Variants in GOLM2 observed in about 807,000 individuals in gnomAD.
GOLM2 encodes golgi membrane protein 2, also known as protein GOLM2.
In GOLM2, 26 loss-of-function variants were observed where a neutral mutation model predicts 55.9. The observed-to-expected ratio is 0.47, with a 90% CI of 0.34 to 0.65. The LOEUF is 0.65. Ranked by LOEUF, GOLM2 falls within the 30% of genes least tolerant of loss-of-function variation. The probability of loss-of-function intolerance (pLI) is 0.01; values close to 1 mark genes in which losing one functional copy is unlikely to be tolerated. For missense variants in GOLM2, 486 were observed against 531.8 expected (o/e 0.91, Z 0.85); for synonymous variants, 165 against 194.6 (o/e 0.85, Z 1.27).
rs7166510 is a variant in GOLM2 at position 44,322,760 on chromosome 15, A to G, written c.328-205A>G. 1.3e-3 allele frequency among the ~76,000 whole-genome samples: 201 copies of G among 152,320 alleles called. 1 individual carries two copies. Among genetic ancestry groups the G allele is most frequent in the African/African-American group, 4.6e-3 (192 of 41,582 alleles). On this transcript the variant is annotated intron_variant, in intron 1 of 9. Coordinates refer to ENST00000299957, the MANE Select transcript of GOLM2 (RefSeq NM_138423.4). ...TTTAAAGTTGTTACATTGTTTATCA[A>G]TTGAAATGAATTTTCTTGTGCAAAT...
intron 6 of GOLM2, among the ~76,000 whole-genome samples, chr15:44,353,611 A>G (rs2079178698): frequency 6.6e-6 from 1 of 152,142 alleles, no homozygotes; most frequent in Non-Finnish European, 1.5e-5. Context: ...AAAGAATGAG[A>G]TCCTGTCATT....
At chr15:44,395,086 T>C (rs1250012461) in intron 8 of GOLM2, among the ~76,000 whole-genome samples, 1 of 151,846 alleles carries the variant, frequency 6.6e-6, no homozygotes, top group Non-Finnish European at 1.5e-5. Context: ...CTTGGCTCAC[T>C]GCAACCTCCA....
At chr15:44,299,637 A>G (rs180861420) in intron 1 of GOLM2, among the ~76,000 whole-genome samples, 1 of 152,212 alleles carries the variant, frequency 6.6e-6, no homozygotes, top group Non-Finnish European at 1.5e-5. Context: ...TTGGAGTCAA[A>G]CAGACTTGAG....
chr15:44,403,721 A>C (rs1274922560), intron 9 of GOLM2, among the ~76,000 whole-genome samples: 1 of 152,158 alleles, frequency 6.6e-6, no homozygotes, highest in Non-Finnish European at 1.5e-5. Context: ...TCATCTAAAA[A>C]CATTTTGTTA....
At chr15:44,388,418 G>A (rs2079463407) in intron 8 of GOLM2, among the ~76,000 whole-genome samples, 1 of 152,130 alleles carries the variant, frequency 6.6e-6, no homozygotes, top group African/African-American at 2.4e-5. Flanking sequence ...GCCCATGCCT[G>A]TAATCCTAAC....
At chr15:44,353,663 A>C (rs2079179160) in intron 6 of GOLM2, among the ~76,000 whole-genome samples, 2 of 152,182 alleles carry the variant, frequency 1.3e-5, no homozygotes, top group Admixed American at 6.5e-5. Flanking sequence ...TGTTAGGTGA[A>C]ATAAGCCAGA....
chr15:44,315,201 C>T (rs2078901312), intron 1 of GOLM2, among the ~76,000 whole-genome samples: 2 of 152,154 alleles, frequency 1.3e-5, no homozygotes, highest in Non-Finnish European at 2.9e-5. Flanking sequence ...AGAAGATAGA[C>T]TTGTCTCTAG....
intron 6 of GOLM2, among the ~76,000 whole-genome samples, chr15:44,374,255 TAC>T (rs1214340793): frequency 6.6e-6 from 1 of 152,194 alleles, no homozygotes; most frequent in Non-Finnish European, 1.5e-5. Context: ...TTGTGATAAA[TAC>T]ATTTTATTAT....
intron 6 of GOLM2, among the ~76,000 whole-genome samples, chr15:44,371,754 A>G (rs2079330767): frequency 1.3e-5 from 2 of 152,220 alleles, no homozygotes; most frequent in Admixed American, 1.3e-4. Context: ...AGTCAACTAT[A>G]TAATCAGGAG....
intron 9 of GOLM2, among the ~76,000 whole-genome samples, chr15:44,410,126 G>A (rs75658780): frequency 0.056 from 8,469 of 151,912 alleles, 313 homozygotes; most frequent in Non-Finnish European, 0.083. Flanking sequence ...AGAGGTACCC[G>A]TGATTATTTT....
At chr15:44,361,154 A>C (rs1348081581) in intron 6 of GOLM2, among the ~76,000 whole-genome samples, 31 of 151,406 alleles carry the variant, frequency 2.0e-4, no homozygotes, top group African/African-American at 5.6e-4. Flanking sequence ...CTAGAAAAGC[A>C]AGAGCAAACA....
intron 6 of GOLM2, among the ~76,000 whole-genome samples, chr15:44,341,079 C>CT (rs533432768): frequency 0.022 from 2,916 of 132,204 alleles, 58 homozygotes; most frequent in Middle Eastern, 0.047. Context: ...ATACTTTTCT[C>CT]TTTTTTTTTT....
At chr15:44,367,959 A>G (rs1225264600) in intron 6 of GOLM2, among the ~76,000 whole-genome samples, 1 of 151,804 alleles carries the variant, frequency 6.6e-6, no homozygotes, top group African/African-American at 2.4e-5. Flanking sequence ...ATGCCTTAGT[A>G]TGGGGTTTTA....
chr15:44,365,874 T>G (rs1388657914), intron 6 of GOLM2, among the ~76,000 whole-genome samples: 1 of 152,182 alleles, frequency 6.6e-6, no homozygotes, highest in Non-Finnish European at 1.5e-5. Context: ...AGTTCATCAG[T>G]TTTAACAAAT....
intron 1 of GOLM2, among the ~76,000 whole-genome samples, chr15:44,300,330 C>A (rs1355173672): frequency 6.6e-6 from 1 of 152,030 alleles, no homozygotes; most frequent in Non-Finnish European, 1.5e-5. Flanking sequence ...ATTCAGTTGA[C>A]AAAAATTTAT....
intron 8 of GOLM2, among the ~76,000 whole-genome samples, chr15:44,387,886 TATG>T (rs2079458012): frequency 6.6e-6 from 1 of 152,144 alleles, no homozygotes; most frequent in African/African-American, 2.4e-5. Flanking sequence ...TCTAGACTCT[TATG>T]ATGATTTTCA....
Position 44,415,042 on chromosome 15 carries a change from G to A in GOLM2, c.*1636G>A, listed in dbSNP as rs2079664545. 6.6e-6 allele frequency: 1 copy of A among 152,604 alleles called. No individual in the cohort carries two copies. Among genetic ancestry groups the A allele is most frequent in the African/African-American group, 2.4e-5 (1 of 41,442 alleles). 9.5% of individuals were successfully genotyped at this position (152,604 alleles called of 1,614,324 possible). On this transcript the variant is annotated 3_prime_UTR_variant, in exon 10 of 10. Coordinates refer to ENST00000299957, the MANE Select transcript of GOLM2 (RefSeq NM_138423.4). ...AAACATGAAATGTGTTTTCCCCTGT[G>A]TACTAACACATTCTAGGCAAAATTC...
chr15:44,341,051 T>G (rs2079087383), intron 6 of GOLM2, among the ~76,000 whole-genome samples: 1 of 151,604 alleles, frequency 6.6e-6, no homozygotes, highest in African/African-American at 2.4e-5. Context: ...ATTTTTGACC[T>G]CTATTATTTA....
chr15:44,321,481 AAAAG>A (rs2078948611), intron 1 of GOLM2, among the ~76,000 whole-genome samples: 1 of 142,394 alleles, frequency 7.0e-6, no homozygotes, highest in Non-Finnish European at 1.5e-5. Context: ...AAAAAAAAAA[AAAAG>A]GGGGGGTGGG....
Sources: gnomAD v4.1 joint callset for allele counts (sites outside exome capture counted in the v4.1 genomes callset) on GRCh38, gnomAD v4.1.1 for gene constraint, MANE v1.5 for transcripts, NCBI Gene and HGNC (gene_info 2026-07-23, HGNC 2026-07-21) for gene names.